IL1A: variants seen among roughly 807,000 people sequenced by gnomAD.
IL1A encodes interleukin 1 alpha, also known as interleukin-1 alpha.
In IL1A, 16 loss-of-function variants were observed where a neutral mutation model predicts 22.2. The observed-to-expected ratio is 0.72, with a 90% CI of 0.49 to 1.09. The LOEUF is 1.09. Among genes scored for constraint, IL1A ranks in the 50% least tolerant of loss-of-function variants. The pLI is 0.00. For missense variants in IL1A, 317 were observed against 321.8 expected (o/e 0.99, Z 0.11); for synonymous variants, 113 against 118.5 (o/e 0.95, Z 0.30).
At chr2:112,780,442 C>T (rs1225899674) in intron 4 of IL1A, among the ~76,000 whole-genome samples, 1 of 152,108 alleles carries the variant, frequency 6.6e-6, no homozygotes, top group Non-Finnish European at 1.5e-5. Context: ...GGTGAACATG[C>T]GTTATTGCTT....
At chr2:112,779,722 A>G (rs56128969) in intron 4 of IL1A, 56 bp from the exon 5 acceptor site, 13 of 1,343,592 alleles carry the variant, frequency 9.7e-6, no homozygotes, top group Admixed American at 3.5e-5. Context: ...CAGATGATAT[A>G]CACAGTCTAG....
At chr2:112,777,203 C>A (rs961722332) in intron 6 of IL1A, among the ~76,000 whole-genome samples, 4 of 151,604 alleles carry the variant, frequency 2.6e-5, no homozygotes, top group African/African-American at 9.7e-5. Context: ...AGACTAGAGG[C>A]TTTGATGCAC....
Position 112,775,024 on chromosome 2 carries a change from G to A in IL1A, c.*43C>T. 6.7e-7 allele frequency: 1 copy of A among 1,484,740 alleles called. No individual in the cohort carries two copies. 92.0% of individuals were successfully genotyped at this position (1,484,740 alleles called of 1,614,324 possible). A position where few individuals can be genotyped will look rare whatever the true frequency, so the allele number is the denominator to read the frequency against. On this transcript the variant is annotated 3_prime_UTR_variant, in exon 7 of 7. Coordinates refer to ENST00000263339, the MANE Select transcript of IL1A (RefSeq NM_000575.5). Reference sequence around the variant, plus strand: ...GCTTCTTCATGTACATGGTACATATGAACTGTCAACACTGCACAAGTGAGA... The same window carrying A: ...GCTTCTTCATGTACATGGTACATATAAACTGTCAACACTGCACAAGTGAGA...
intron 6 of IL1A, among the ~76,000 whole-genome samples, chr2:112,775,501 A>T (rs528482563): frequency 6.6e-6 from 1 of 152,266 alleles, no homozygotes; most frequent in Admixed American, 6.5e-5. Context: ...TTGGAGAGAG[A>T]TCTAAATTAG....
At chr2:112,775,311 G>C (rs764722067) in intron 6 of IL1A, 44 bp from the exon 7 acceptor site, 1 of 1,498,244 alleles carries the variant, frequency 6.7e-7, no homozygotes, top group Non-Finnish European at 9.3e-7. Context: ...CAAGATGGTA[G>C]AAAAAGGACT....
chr2:112,781,571 AAAAG>A (rs1475495007), intron 4 of IL1A, 29 bp downstream of exon 4: 1 of 1,544,556 alleles, frequency 6.5e-7, no homozygotes, highest in Non-Finnish European at 9.0e-7. Context: ...TTAAAACTGT[AAAAG>A]AAAGATATTA....
chr2:112,780,027 T>A (rs903365015), intron 4 of IL1A, among the ~76,000 whole-genome samples: 2 of 151,944 alleles, frequency 1.3e-5, no homozygotes, highest in African/African-American at 4.8e-5. Flanking sequence ...AAAAAAAGAA[T>A]GCATTAAAAA....
At chr2:112,777,390 T>G (rs1042378607) in intron 6 of IL1A, among the ~76,000 whole-genome samples, 13 of 152,186 alleles carry the variant, frequency 8.5e-5, no homozygotes, top group African/African-American at 2.9e-4. Flanking sequence ...GGTCTTGGAT[T>G]ATATACTTAC....
At chr2:112,775,329 A>C in intron 6 of IL1A, 62 bp from the exon 7 acceptor site, 1 of 1,359,458 alleles carries the variant, frequency 7.4e-7, no homozygotes, top group Non-Finnish European at 1.1e-6. Flanking sequence ...ACTGAAGCTC[A>C]ATCCCTTAGC....
rs532242928 is a variant in IL1A, at chr2:112,777,516, C to T, written c.615+471G>A. Among the ~76,000 whole-genome samples, 8 of 152,268 alleles carry T rather than the reference C, an allele frequency of 5.3e-5. No homozygotes were observed. The East Asian group carries it at 1.5e-3, about 29-fold the overall frequency. On this transcript the variant is annotated intron_variant, in intron 6 of 6. Coordinates refer to ENST00000263339, the MANE Select transcript of IL1A (RefSeq NM_000575.5). ...CTGGGACGAAGGATAATGCTGACAT[C>T]AATGCAGAGAGAGGGGAACTGGAAG...
chr2:112,780,917 G>A (rs2104909299), intron 4 of IL1A, among the ~76,000 whole-genome samples: 1 of 152,002 alleles, frequency 6.6e-6, no homozygotes, highest in South Asian at 2.1e-4. Flanking sequence ...CTACTCAGGA[G>A]GCTGAGGCAG....
intron 5 of IL1A, 80 bp from the exon 6 acceptor site, chr2:112,778,191 A>T (rs1681133216): frequency 2.3e-4 from 178 of 779,758 alleles, no homozygotes; most frequent in East Asian, 3.4e-4. Context: ...TTGTGTGTGC[A>T]TGGTGTGTGT....
chr2:112,776,478 AAAAACCCACAACCACG>A (rs1387847611), intron 6 of IL1A, among the ~76,000 whole-genome samples: 33 of 110,932 alleles, frequency 3.0e-4, no homozygotes, highest in African/African-American at 1.2e-3. Flanking sequence ...TGTCCTACCC[AAAAACCCACAACCACG>A]ACCCGCCCCC....
At chr2:112,780,821 A>G (rs1323521002) in intron 4 of IL1A, among the ~76,000 whole-genome samples, 2 of 152,098 alleles carry the variant, frequency 1.3e-5, no homozygotes, top group African/African-American at 2.4e-5. Context: ...GTGGATCACG[A>G]GGAGATGGAG....
intron 6 of IL1A, among the ~76,000 whole-genome samples, chr2:112,775,676 A>G (rs549534449): frequency 1.2e-5 from 1 of 84,014 alleles, no homozygotes; most frequent in Admixed American, 1.0e-4. Context: ...AAGTGAACAA[A>G]TCATACCTTT....
intron 4 of IL1A, among the ~76,000 whole-genome samples, chr2:112,780,870 A>C (rs1478745033): frequency 6.6e-6 from 1 of 152,046 alleles, no homozygotes; most frequent in African/African-American, 2.4e-5. Flanking sequence ...AATACAAAAA[A>C]TTAGCCGGGA....
rs1681059355 is a variant in IL1A, at chr2:112,774,328, C to CT, written c.*738dup. ...CCCTGTATTAATGAAATCAAACTTA[C>CT]TTATCCCAGAAAACACTGTCTGCTA... On this transcript the variant is annotated 3_prime_UTR_variant, in exon 7 of 7. Transcript: ENST00000263339. 6.6e-6 allele frequency: 1 copy of CT among 151,978 alleles called. No individual in the cohort carries two copies. The highest frequency in any genetic ancestry group is 2.4e-5 in the African/African-American group (1 of 41,400). 9.4% of individuals were successfully genotyped at this position (151,978 alleles called of 1,614,324 possible).
Position 112,777,963 on chromosome 2 carries a change from A to C in IL1A, c.615+24T>G, listed in dbSNP as rs56107760. 1.4e-3 allele frequency: 2,235 copies of C among 1,613,224 alleles called. 2 individuals are homozygous for C. Among genetic ancestry groups the C allele is most frequent in the Non-Finnish European group, 1.7e-3 (2,037 of 1,179,482 alleles). On this transcript the variant is annotated intron_variant, in intron 6 of 6. Coordinates refer to ENST00000263339, the MANE Select transcript of IL1A (RefSeq NM_000575.5). ...AACATATGAGATGTAAATGAAGGTA[A>C]GTTGGAGACAAAGGACAACTGACCT...
At chr2:112,782,076 ACTAAATAG>A (rs1179183797) in intron 3 of IL1A, among the ~76,000 whole-genome samples, 1 of 152,218 alleles carries the variant, frequency 6.6e-6, no homozygotes, top group Non-Finnish European at 1.5e-5. Flanking sequence ...AGATGTTGTA[ACTAAATAG>A]GTTAACAATG....
Sources: gnomAD v4.1 joint callset for allele counts (sites outside exome capture counted in the v4.1 genomes callset) on GRCh38, gnomAD v4.1.1 for gene constraint, MANE v1.5 for transcripts, NCBI Gene and HGNC (gene_info 2026-07-23, HGNC 2026-07-21) for gene names.